ASMTL: variants seen among roughly 807,000 people sequenced by gnomAD.
The protein encoded by ASMTL is acetylserotonin O-methyltransferase like, also known as probable bifunctional dTTP/UTP pyrophosphatase/methyltransferase protein.
In ASMTL, 57 loss-of-function variants were observed where a neutral mutation model predicts 60.3. The ratio of observed to expected loss-of-function variants is 0.95; its 90% CI spans 0.76 to 1.18. The LOEUF (loss-of-function observed/expected upper bound fraction) is 1.18. Among genes scored for constraint, ASMTL ranks in the 50% most tolerant of loss-of-function variants. The pLI is 0.00. For synonymous variants in ASMTL, 419 were observed against 373.0 expected, an observed-to-expected ratio of 1.12 and a Z score of -1.42; for missense variants, 981 against 852.6, an observed-to-expected ratio of 1.15 and a Z score of -1.88.
intron 6 of ASMTL, 128 bp downstream of exon 6, chrX:1,432,141 T>C: frequency 2.7e-6 from 2 of 739,246 alleles, no homozygotes; most frequent in Non-Finnish European, 2.3e-6. Flanking sequence ...CGGGCGGCTC[T>C]CCCTGTGCCA....
intron 7 of ASMTL, 156 bp downstream of exon 7, chrX:1,427,578 G>C: frequency 1.3e-6 from 1 of 745,326 alleles, no homozygotes; most frequent in Non-Finnish European, 2.1e-6. Flanking sequence ...AGGCAGGAAG[G>C]ACCCTCTCCT....
chrX:1,404,484 A>AGATG (rs1458876402), intron 12 of ASMTL, among the ~76,000 whole-genome samples: 3 of 149,188 alleles, frequency 2.0e-5, no homozygotes, highest in Non-Finnish European at 4.5e-5. Flanking sequence ...ATGGATGTAT[A>AGATG]GATGGATGGA....
At chrX:1,416,587 A>G (rs1449513484) in intron 11 of ASMTL, among the ~76,000 whole-genome samples, 2 of 147,998 alleles carry the variant, frequency 1.4e-5, no homozygotes, top group East Asian at 1.9e-4. Flanking sequence ...AGACACACAG[A>G]CATACACACA....
rs868395511 is a variant in ASMTL, at chrX:1,432,808, C to A, written c.401-431G>T. On this transcript the variant is annotated intron_variant, in intron 5 of 12. Transcript: ENST00000381317. ...CGCGCCCCTGCATTCCAGCCTGGGCCACAGAGCGAGACTCCGTCTCTAAAA... is the reference window on the plus strand; with the variant it reads ...CGCGCCCCTGCATTCCAGCCTGGGCAACAGAGCGAGACTCCGTCTCTAAAA... 2.5e-4 allele frequency among the ~76,000 whole-genome samples: 38 copies of A among 152,184 alleles called. No individual in the cohort carries two copies. The South Asian group carries it at 5.0e-3, about 20-fold the overall frequency.
intron 1 of ASMTL, among the ~76,000 whole-genome samples, chrX:1,443,437 G>C (rs1434410806): frequency 6.9e-6 from 1 of 145,830 alleles, no homozygotes; most frequent in South Asian, 2.2e-4. Flanking sequence ...CCGCCATCTT[G>C]GACAGACACC....
In ASMTL at chrX:1,427,775, T is replaced by A. The variant is rs748504091; in HGVS notation, c.856A>T (p.Thr286Ser). The A allele has an allele frequency of 2.5e-6, 4 of 1,612,950 alleles. No homozygotes were observed. The South Asian group carries it at 4.4e-5, about 18-fold the overall frequency. ...RTRETLPPFP[T>S]RLLELIEGFM... The stretch of plus-strand genomic sequence containing the variant: ...CCCTCAATCAGCTCCAGGAGGCGTG[T>A]CGGGAACGGAGGCAGGGTCTCCCGA... The change falls in exon 7 of 13, where the codon ACA becomes TCA. Residue 286 changes from threonine (T) to serine (S), a missense_variant. Coordinates refer to ENST00000381317, the MANE Select transcript of ASMTL (RefSeq NM_004192.4).
chrX:1,417,848 A>G lies in ASMTL; in HGVS notation c.1522+125T>C, dbSNP rs778708292. 301 of 1,265,326 alleles carry G rather than the reference A, an allele frequency of 2.4e-4. No homozygotes were observed. In the African/African-American group the frequency reaches 3.9e-3, roughly 16 times the overall value. 78.4% of individuals were successfully genotyped at this position (1,265,326 alleles called of 1,614,324 possible). On this transcript the variant is annotated intron_variant, in intron 11 of 12. Transcript: ENST00000381317. ...AAGCACCGTAGACAGTCCCATTTGC[A>G]CACACATACCCACCATGGAAACGCC...
At chrX:1,439,400 A>G (rs1273187804) in intron 2 of ASMTL, among the ~76,000 whole-genome samples, 1 of 152,320 alleles carries the variant, frequency 6.6e-6, no homozygotes, top group East Asian at 1.9e-4. Flanking sequence ...CTCACGGAGC[A>G]TCTCACGGGC....
intron 11 of ASMTL, among the ~76,000 whole-genome samples, chrX:1,417,030 C>CA (rs1381180188): frequency 4.4e-5 from 1 of 22,934 alleles, no homozygotes; most frequent in Non-Finnish European, 6.9e-4. Context: ...CACACAGAGA[C>CA]ACAGACACAA....
intron 6 of ASMTL, chrX:1,431,951 G>A (rs1176387523): frequency 2.6e-6 from 1 of 383,214 alleles, no homozygotes; most frequent in Non-Finnish European, 4.7e-6. Context: ...CAGCGTCCTG[G>A]GCACAGACCT....
At chrX:1,416,856 CAT>C (rs2090299153) in intron 11 of ASMTL, among the ~76,000 whole-genome samples, 2 of 151,154 alleles carry the variant, frequency 1.3e-5, no homozygotes, top group African/African-American at 2.4e-5. Flanking sequence ...CACACACAGA[CAT>C]GTACACATAT....
At position 1,424,560 on chromosome X, in the gene ASMTL, C is replaced by T. The variant is rs1237388891; in HGVS notation, c.1060+965G>A. ...TCCACACATCCATCCATCCATCCAT[C>T]TGTCCGTCCATCCATCCATCCAGCC... On this transcript the variant is annotated intron_variant, in intron 8 of 12. Transcript: ENST00000381317. 3.0e-4 allele frequency among the ~76,000 whole-genome samples: 6 copies of T among 19,842 alleles called. No homozygotes were observed. The Admixed American group carries it at 4.0e-3, about 13-fold the overall frequency. The allele number at this position is 19,842 out of a possible 152,430, so 13.0% of individuals were successfully genotyped here. A position where few individuals can be genotyped will look rare whatever the true frequency, so the allele number is the denominator to read the frequency against.
At chrX:1,437,721 C>A (rs1467441170) in intron 3 of ASMTL, among the ~76,000 whole-genome samples, 3 of 151,588 alleles carry the variant, frequency 2.0e-5, no homozygotes, top group Non-Finnish European at 4.4e-5. Context: ...CATGGTGAAA[C>A]CCCGTCTCTA....
At chrX:1,450,759 T>G (rs759250569) in intron 1 of ASMTL, among the ~76,000 whole-genome samples, 1,073 of 48,040 alleles carry the variant, frequency 0.022, 12 homozygotes, top group African/African-American at 0.039. Context: ...ATCCCTAGGG[T>G]TCCCGGGTTA....
intron 12 of ASMTL, among the ~76,000 whole-genome samples, chrX:1,411,062 G>A (rs1427083808): frequency 5.3e-5 from 8 of 150,162 alleles, no homozygotes; most frequent in Middle Eastern, 3.3e-3. Flanking sequence ...GTATGTGCCA[G>A]TAATCCAGCT....
chrX:1,417,458 C>T (rs1283453144), intron 11 of ASMTL, among the ~76,000 whole-genome samples: 7 of 151,058 alleles, frequency 4.6e-5, no homozygotes, highest in African/African-American at 7.3e-5. Context: ...ACTACACAGA[C>T]GTGCACACAC....
intron 8 of ASMTL, among the ~76,000 whole-genome samples, chrX:1,424,713 T>G (rs1229886698): frequency 6.7e-6 from 1 of 149,090 alleles, no homozygotes; most frequent in African/African-American, 2.5e-5. Flanking sequence ...CATCCACCCA[T>G]CCATCCACAC....
intron 5 of ASMTL, among the ~76,000 whole-genome samples, chrX:1,432,664 C>G (rs1454270019): frequency 1.3e-5 from 2 of 151,616 alleles, no homozygotes; most frequent in Non-Finnish European, 1.5e-5. Context: ...CCCGTCTCTA[C>G]TAAAAATACA....
chrX:1,407,105 ATGGGTAGATGGATG>A (rs2089888083), intron 12 of ASMTL, among the ~76,000 whole-genome samples: 1 of 140,946 alleles, frequency 7.1e-6, no homozygotes, highest in African/African-American at 2.8e-5. Context: ...ATGGTAGATG[ATGGGTAGATGGATG>A]GATGGATGGG....
Sources: gnomAD v4.1 joint callset for allele counts (sites outside exome capture counted in the v4.1 genomes callset) on GRCh38, gnomAD v4.1.1 for gene constraint, MANE v1.5 for transcripts, NCBI Gene and HGNC (gene_info 2026-07-23, HGNC 2026-07-21) for gene names.